The following MYO1D variants were observed in gnomAD, a reference collection of about 807,000 sequenced individuals.
MYO1D encodes unconventional myosin-Id.
A neutral mutation model predicts 122.0 loss-of-function variants in MYO1D; 83 were observed. The observed-to-expected ratio is 0.68, with a 90% confidence interval of 0.57 to 0.82. The LOEUF (loss-of-function observed/expected upper bound fraction) is 0.82. Ranked by LOEUF, MYO1D falls within the 40% of genes least tolerant of loss-of-function variation. The probability of loss-of-function intolerance (pLI) is 0.00; values close to 1 mark genes in which losing one functional copy is unlikely to be tolerated. For missense variants in MYO1D, 1,157 were observed against 1,269.5 expected (o/e 0.91, Z 1.35); for synonymous variants, 464 against 446.9 (o/e 1.04, Z -0.48).
chr17:32,674,171 T>C (rs779580192), intron 16 of MYO1D, among the ~76,000 whole-genome samples: 6 of 151,724 alleles, frequency 4.0e-5, no homozygotes, highest in Non-Finnish European at 8.8e-5. Flanking sequence ...GGGGGTGGAG[T>C]GGAAACGGCC....
At chr17:32,512,338 C>T (rs974008152) in intron 21 of MYO1D, among the ~76,000 whole-genome samples, 15 of 151,568 alleles carry the variant, frequency 9.9e-5, no homozygotes, top group African/African-American at 3.1e-4. Flanking sequence ...GAAACATCTG[C>T]ATCTTCTGGG....
At chr17:32,597,761 G>A (rs568520597) in intron 21 of MYO1D, among the ~76,000 whole-genome samples, 16 of 151,380 alleles carry the variant, frequency 1.1e-4, no homozygotes, top group Non-Finnish European at 1.9e-4. Context: ...CCAGCTACTC[G>A]GGAGGCTGAG....
intron 12 of MYO1D, 36 bp downstream of exon 12, chr17:32,748,900 T>G (rs1349062085): frequency 2.6e-6 from 4 of 1,555,466 alleles, no homozygotes; most frequent in Non-Finnish European, 3.5e-6. Context: ...TGAGGCGGCA[T>G]GCAAATCATG....
At chr17:32,707,352 A>G (rs755820139) in intron 16 of MYO1D, among the ~76,000 whole-genome samples, 12 of 152,180 alleles carry the variant, frequency 7.9e-5, no homozygotes, top group Non-Finnish European at 1.6e-4. Context: ...GAAAAAATTA[A>G]AAAGCCTGGT....
intron 1 of MYO1D, among the ~76,000 whole-genome samples, chr17:32,871,120 C>T (rs2091175352): frequency 6.6e-6 from 1 of 152,144 alleles, no homozygotes; most frequent in South Asian, 2.1e-4. Flanking sequence ...GAAAGGAGGA[C>T]ATTCCAGGGG....
At chr17:32,553,375 G>A (rs1301636807) in intron 21 of MYO1D, among the ~76,000 whole-genome samples, 1 of 152,212 alleles carries the variant, frequency 6.6e-6, no homozygotes, top group Non-Finnish European at 1.5e-5. Context: ...GATATTTGAA[G>A]TGGTTCCTGA....
intron 16 of MYO1D, among the ~76,000 whole-genome samples, chr17:32,665,495 C>T (rs757726494): frequency 1.3e-5 from 2 of 152,198 alleles, no homozygotes; most frequent in African/African-American, 2.4e-5. Flanking sequence ...TCTTTCACTT[C>T]GGCTGTCACA....
At chr17:32,522,100 AAAAAAAGC>A (rs1404239063) in intron 21 of MYO1D, among the ~76,000 whole-genome samples, 5 of 151,430 alleles carry the variant, frequency 3.3e-5, no homozygotes, top group African/African-American at 1.2e-4. Context: ...AAAAAAAAAA[AAAAAAAGC>A]AAAACTCAGT....
intron 14 of MYO1D, among the ~76,000 whole-genome samples, chr17:32,733,943 T>C (rs1409623267): frequency 6.6e-6 from 1 of 152,182 alleles, no homozygotes; most frequent in African/African-American, 2.4e-5. Flanking sequence ...TTTACATCTG[T>C]GTTTCTAAGT....
chr17:32,670,547 CAGCTTAAAGCCTGA>C (rs1425963306), intron 16 of MYO1D, among the ~76,000 whole-genome samples: 4 of 152,168 alleles, frequency 2.6e-5, no homozygotes, highest in African/African-American at 4.8e-5. Context: ...AAGCCAAAAA[CAGCTTAAAGCCTGA>C]AGTCCAAGCT....
intron 16 of MYO1D, among the ~76,000 whole-genome samples, chr17:32,667,920 C>A (rs1464791834): frequency 6.6e-6 from 1 of 152,136 alleles, no homozygotes; most frequent in African/African-American, 2.4e-5. Flanking sequence ...AGTAATTGAA[C>A]CTTTTGGTCA....
At chr17:32,612,710 AAAG>A (rs1165915677) in intron 20 of MYO1D, among the ~76,000 whole-genome samples, 379 of 149,322 alleles carry the variant, frequency 2.5e-3, no homozygotes, top group African/African-American at 8.6e-3. Flanking sequence ...AAAAAAAAAA[AAAG>A]AAGAAGAAGA....
intron 21 of MYO1D, among the ~76,000 whole-genome samples, chr17:32,553,537 C>T (rs1486222450): frequency 1.3e-5 from 2 of 152,140 alleles, no homozygotes; most frequent in African/African-American, 2.4e-5. Flanking sequence ...TGAAAAAGGA[C>T]GTGGGTTTTG....
At chr17:32,768,234 C>T (rs1259254564) in intron 6 of MYO1D, among the ~76,000 whole-genome samples, 1 of 152,208 alleles carries the variant, frequency 6.6e-6, no homozygotes, top group Non-Finnish European at 1.5e-5. Context: ...GCAAGGCGGG[C>T]CCTCAAAAGC....
chr17:32,705,821 C>T (rs187029107), intron 16 of MYO1D, among the ~76,000 whole-genome samples: 9 of 152,214 alleles, frequency 5.9e-5, no homozygotes, highest in Non-Finnish European at 2.9e-5. Context: ...GGGGCAGTTT[C>T]CCCCATACTG....
chr17:32,876,681 G>C, intron 1 of MYO1D, 97 bp downstream of exon 1: 3 of 994,844 alleles, frequency 3.0e-6, no homozygotes, highest in Non-Finnish European at 4.2e-6. Context: ...CCTGGAGCTT[G>C]GGCGCTCCCG....
chr17:32,539,285 A>T (rs1398275467), intron 21 of MYO1D, among the ~76,000 whole-genome samples: 2 of 107,394 alleles, frequency 1.9e-5, no homozygotes, highest in East Asian at 4.3e-4. Flanking sequence ...CTACACACAC[A>T]CACACACACA....
chr17:32,770,419 T>G lies in MYO1D; in HGVS notation c.714+706A>C, dbSNP rs191234007. Among the ~76,000 whole-genome samples the G allele has an allele frequency of 4.4e-4, 67 of 152,234 alleles. 1 individual carries two copies. Among genetic ancestry groups the G allele is most frequent in the Admixed American group, 2.7e-3 (42 of 15,280 alleles). On this transcript the variant is annotated intron_variant, in intron 6 of 21. Transcript: ENST00000318217. ...CCCATCTAGAATAAATAATTAATAC[T>G]GTGATCTATATCCTACCATATCTTA...
chr17:32,557,561 G>A (rs1283752060), intron 21 of MYO1D, among the ~76,000 whole-genome samples: 1 of 151,892 alleles, frequency 6.6e-6, no homozygotes, highest in African/African-American at 2.4e-5. Context: ...GCAGTGGCAG[G>A]ATCTTGGGTC....
Sources: allele counts gnomAD v4.1 joint callset (sites outside exome capture counted in the v4.1 genomes callset), GRCh38; gene constraint gnomAD v4.1.1; transcripts MANE v1.5; gene names NCBI Gene and HGNC (gene_info 2026-07-23, HGNC 2026-07-21).